Variants in CNTN5 observed in about 807,000 individuals in gnomAD.
CNTN5 encodes the protein contactin-5.
CNTN5 carries 77 observed loss-of-function variants against 129.1 expected under a neutral mutation model. The observed-to-expected ratio is 0.60, with a 90% CI of 0.50 to 0.72. CNTN5 has a LOEUF of 0.72. Among genes scored for constraint, CNTN5 ranks in the 30% least tolerant of loss-of-function variants. The pLI is 0.00. For synonymous variants in CNTN5, 509 were observed against 465.6 expected (o/e 1.09, Z -1.20); for missense variants, 1,478 against 1,328.8 (o/e 1.11, Z -1.75).
chr11:100,183,349 C>T (rs115970967), intron 13 of CNTN5, among the ~76,000 whole-genome samples: 2,611 of 152,200 alleles, frequency 0.017, 65 homozygotes, highest in African/African-American at 0.06. Context: ...GCAACCCAAA[C>T]ATCCATCAAC....
chr11:100,125,129 G>C (rs896591969), intron 13 of CNTN5, among the ~76,000 whole-genome samples: 11 of 151,944 alleles, frequency 7.2e-5, no homozygotes, highest in African/African-American at 2.7e-4. Flanking sequence ...TAAAGTGGGA[G>C]ATATTTTACT....
chr11:99,981,827 A>G (rs375630969), intron 8 of CNTN5, among the ~76,000 whole-genome samples: 1 of 152,200 alleles, frequency 6.6e-6, no homozygotes, highest in African/African-American at 2.4e-5. Context: ...AGCAGAGTAG[A>G]ATTATCTATA....
In CNTN5 at chr11:99,830,994, C is replaced by G. The variant is rs147028934; in HGVS notation, c.277+11229C>G. On this transcript the variant is annotated intron_variant, in intron 4 of 24. Transcript: ENST00000524871. ...AGTATATTTACTAAATATTTTTGAA[C>G]ACAATAGTGGATTTTGGATTATAAA... is the stretch of plus-strand genomic sequence containing the variant. Among the ~76,000 whole-genome samples, 31 of 152,056 alleles carry G rather than the reference C, an allele frequency of 2.0e-4. No homozygotes were observed. In the East Asian group the frequency reaches 5.8e-3, roughly 28 times the overall value.
chr11:99,672,298 C>T (rs1186916697), intron 3 of CNTN5, among the ~76,000 whole-genome samples: 1 of 152,082 alleles, frequency 6.6e-6, no homozygotes, highest in Non-Finnish European at 1.5e-5. Context: ...AAGGAAAGTA[C>T]CAGTGTTGCC....
intron 10 of CNTN5, among the ~76,000 whole-genome samples, chr11:100,068,020 C>A (rs1943762274): frequency 6.6e-6 from 1 of 151,942 alleles, no homozygotes; most frequent in Non-Finnish European, 1.5e-5. Context: ...ACTGTTCTTT[C>A]TTTCCTAGCT....
chr11:99,396,119 A>C (rs1591622271), intron 2 of CNTN5, among the ~76,000 whole-genome samples: 3 of 151,764 alleles, frequency 2.0e-5, no homozygotes, highest in Admixed American at 2.0e-4. Flanking sequence ...TCAATCTATA[A>C]ATTACTTTGG....
At chr11:100,063,611 T>C (rs929625561) in intron 10 of CNTN5, among the ~76,000 whole-genome samples, 2 of 150,966 alleles carry the variant, frequency 1.3e-5, no homozygotes, top group African/African-American at 4.9e-5. Flanking sequence ...AAGAGTGTCC[T>C]ATTTCACTTC....
intron 1 of CNTN5, among the ~76,000 whole-genome samples, chr11:99,174,801 TA>T (rs1346920231): frequency 6.6e-6 from 1 of 151,958 alleles, no homozygotes; most frequent in Admixed American, 6.6e-5. Flanking sequence ...TTTCATTAAT[TA>T]ACTTATTAAT....
At chr11:99,682,621 G>A (rs184623215) in intron 3 of CNTN5, among the ~76,000 whole-genome samples, 15 of 151,914 alleles carry the variant, frequency 9.9e-5, no homozygotes, top group Middle Eastern at 3.4e-3. Flanking sequence ...AAACACATCC[G>A]TTCTGTGTAA....
intron 2 of CNTN5, among the ~76,000 whole-genome samples, chr11:99,456,472 A>T (rs1944499431): frequency 6.6e-6 from 1 of 152,114 alleles, no homozygotes; most frequent in Non-Finnish European, 1.5e-5. Context: ...GAGAGAATAA[A>T]TTTTTCCCTT....
chr11:100,183,686 A>T (rs1948209059), intron 13 of CNTN5, among the ~76,000 whole-genome samples: 1 of 152,116 alleles, frequency 6.6e-6, no homozygotes, highest in South Asian at 2.1e-4. Context: ...TATGTTTATT[A>T]TCTTCACTAT....
chr11:99,428,252 C>CT (rs1943214808), intron 2 of CNTN5, among the ~76,000 whole-genome samples: 3 of 143,904 alleles, frequency 2.1e-5, no homozygotes, highest in Non-Finnish European at 4.7e-5. Context: ...CTTTTAATAA[C>CT]TTTTTTAAGA....
chr11:99,894,508 C>T (rs1461356036), intron 6 of CNTN5, among the ~76,000 whole-genome samples: 2 of 98,956 alleles, frequency 2.0e-5, no homozygotes, highest in Admixed American at 2.4e-4. Context: ...ATGACAGGTA[C>T]CAGCAGCAAA....
At chr11:99,779,553 C>T (rs944202977) in intron 3 of CNTN5, among the ~76,000 whole-genome samples, 6 of 151,930 alleles carry the variant, frequency 3.9e-5, no homozygotes, top group Non-Finnish European at 8.8e-5. Context: ...GCTGAGGTTT[C>T]TTACTTGTTT....
chr11:100,156,752 T>A (rs979808625), intron 13 of CNTN5, among the ~76,000 whole-genome samples: 1 of 152,000 alleles, frequency 6.6e-6, no homozygotes, highest in Admixed American at 6.6e-5. Context: ...TATCAATTTC[T>A]TATTTCTTCT....
chr11:100,074,115 G>A (rs775326487), intron 12 of CNTN5, 29 bp from the exon 13 acceptor site: 13 of 1,595,458 alleles, frequency 8.1e-6, no homozygotes, highest in Admixed American at 1.8e-5. Context: ...ATTGCTTCTG[G>A]TAGAAACTAA....
intron 3 of CNTN5, among the ~76,000 whole-genome samples, chr11:99,710,195 C>T (rs1440951907): frequency 6.6e-6 from 1 of 151,766 alleles, no homozygotes; most frequent in African/African-American, 2.4e-5. Flanking sequence ...TAGTCCCATT[C>T]TAGGGTCACC....
chr11:99,655,629 T>C (rs1952326951), intron 3 of CNTN5, among the ~76,000 whole-genome samples: 1 of 152,284 alleles, frequency 6.6e-6, no homozygotes, highest in East Asian at 1.9e-4. Flanking sequence ...TTAATTTGGC[T>C]TTGAACACGG....
At position 100,257,419 on chromosome 11, in the gene CNTN5, G is replaced by A. The variant is rs527614933; in HGVS notation, c.2164+1501G>A. On this transcript the variant is annotated intron_variant, in intron 17 of 24. Coordinates refer to ENST00000524871, the MANE Select transcript of CNTN5 (RefSeq NM_014361.4). ...TGAAGAGAGCAGCAGATCTCCCAGCGCAGCGCTCAAGCCCTGCTAAGGGAC... is the reference window on the plus strand; with the variant it reads ...TGAAGAGAGCAGCAGATCTCCCAGCACAGCGCTCAAGCCCTGCTAAGGGAC... Among the ~76,000 whole-genome samples, 44 of 152,258 alleles carry A rather than the reference G, an allele frequency of 2.9e-4. 1 individual carries two copies. The highest frequency in any genetic ancestry group is 6.8e-3 in the Middle Eastern group (2 of 294).
Sources: allele counts gnomAD v4.1 joint callset (sites outside exome capture counted in the v4.1 genomes callset), GRCh38; gene constraint gnomAD v4.1.1; transcripts MANE v1.5; gene names NCBI Gene and HGNC (gene_info 2026-07-23, HGNC 2026-07-21).